Variants in PLAAT5 observed in about 807,000 individuals in gnomAD.
PLAAT5 encodes phospholipase A and acyltransferase 5, also known as Ca(2+)-independent N-acyltransferase.
Under a neutral mutation model 27.8 loss-of-function variants are expected in PLAAT5, and 27 were observed. That is an observed-to-expected ratio of 0.97 (90% CI 0.72 to 1.34). PLAAT5 has a LOEUF of 1.34. PLAAT5 is among the 40% of genes most tolerant of loss of function. The pLI is 0.00. For synonymous variants in PLAAT5, 125 were observed against 136.1 expected, an observed-to-expected ratio of 0.92 and a Z score of 0.57; for missense variants, 368 against 343.8, an observed-to-expected ratio of 1.07 and a Z score of -0.56.
intron 3 of PLAAT5, among the ~76,000 whole-genome samples, chr11:63,483,784 A>AAAT (rs1397719113): frequency 5.2e-4 from 34 of 65,674 alleles, no homozygotes; most frequent in African/African-American, 1.4e-3. Context: ...GCAAAAAAAA[A>AAAT]ATATATATAT....
chr11:63,483,801 GTATA>G (rs71039646), intron 3 of PLAAT5, among the ~76,000 whole-genome samples: 2,675 of 23,790 alleles, frequency 0.11, 178 homozygotes, highest in Middle Eastern at 0.25. Flanking sequence ...ATATATATAT[GTATA>G]TATATATATA....
chr11:63,490,409 T>C lies in PLAAT5; in HGVS notation c.149-76A>G. On this transcript the variant is annotated intron_variant, in intron 1 of 5. Transcript: ENST00000540857. ...CAAGCACCTTGACCGCTACGGAGAG[T>C]GGGCTCAGAGCTCTAGTCTAGCATC... The C allele has an allele frequency of 1.9e-6, 3 of 1,610,228 alleles. No individual in the cohort carries two copies. The South Asian group carries it at 3.3e-5, about 18-fold the overall frequency.
At chr11:63,483,827 A>ATATGTATATATATATATATATATATG (rs1555028278) in intron 3 of PLAAT5, among the ~76,000 whole-genome samples, 4 of 109,796 alleles carry the variant, frequency 3.6e-5, no homozygotes, top group Non-Finnish European at 7.7e-5. Flanking sequence ...ATATATATAT[A>ATATGTATATATATATATATATATATG]TATATATATA....
At chr11:63,485,844 C>CA (rs1260709114) in intron 3 of PLAAT5, among the ~76,000 whole-genome samples, 1 of 152,264 alleles carries the variant, frequency 6.6e-6, no homozygotes, top group Non-Finnish European at 1.5e-5. Flanking sequence ...GGACAACCCA[C>CA]AGAGTGGGAG....
Position 63,463,571 on chromosome 11 carries a change from C to A in PLAAT5, c.742G>T (p.Ala248Ser), listed in dbSNP as rs1329348828. 1 of 1,613,690 alleles carries A rather than the reference C, an allele frequency of 6.2e-7. No homozygotes were observed. Among genetic ancestry groups the A allele is most frequent in the Non-Finnish European group, 8.5e-7 (1 of 1,180,014 alleles). The stretch of plus-strand genomic sequence containing the variant: ...GAAATAACTGCTCCAGCAGCCTTCG[C>A]TCCTTCCATCAGGGCGTGCTCTACC... ...QQVEHALMEG[A>S]KAAGAVISAV... Residue 248 changes from alanine to serine, a missense_variant, in exon 6 of 6, where the codon GCG becomes TCG. Ala to Ser is a moderately conservative substitution (Grantham distance 99). Coordinates refer to ENST00000540857, the MANE Select transcript of PLAAT5 (RefSeq NM_001146729.2).
At chr11:63,488,057 AT>A (rs2016477309) in intron 3 of PLAAT5, among the ~76,000 whole-genome samples, 1 of 152,250 alleles carries the variant, frequency 6.6e-6, no homozygotes, top group Non-Finnish European at 1.5e-5. Flanking sequence ...AGGCAGGAGA[AT>A]GGCGTGAGCC....
chr11:63,491,071 A>G lies in PLAAT5; in HGVS notation c.-37T>C, dbSNP rs915840019. The G allele has an allele frequency of 3.2e-5, 45 of 1,405,404 alleles. No homozygotes were observed. Among genetic ancestry groups the G allele is most frequent in the Admixed American group, 9.8e-5 (3 of 30,728 alleles). The allele number at this position is 1,405,404 out of a possible 1,614,324, so 87.1% of individuals were successfully genotyped here. A position where few individuals can be genotyped will look rare whatever the true frequency, so the allele number is the denominator to read the frequency against. ...GGCCTCGCCGGCCCCCAGGCCTTGC[A>G]GGGGACTACGCCCCTGGCGAGTTCC... On this transcript the variant is annotated 5_prime_UTR_variant, in exon 1 of 6. Coordinates refer to ENST00000540857, the MANE Select transcript of PLAAT5 (RefSeq NM_001146729.2).
chr11:63,490,045 G>A (rs910981879), intron 2 of PLAAT5, among the ~76,000 whole-genome samples, 198 bp downstream of exon 2: 1 of 152,186 alleles, frequency 6.6e-6, no homozygotes, highest in Non-Finnish European at 1.5e-5. Context: ...CAGCTGCAAC[G>A]CATGCCTGTG....
chr11:63,490,670 T>C (rs2016542417), intron 1 of PLAAT5: 1 of 616,984 alleles, frequency 1.6e-6, no homozygotes, highest in East Asian at 2.8e-5. Context: ...CACCACTGCC[T>C]CACTTCCATA....
rs2015737124 is a variant in PLAAT5 at position 63,462,213 on chromosome 11, A to G, written c.*1290T>C. ...TTCCTGGTACTCAGGTTCTGCTTCC[A>G]AGGAAGTCTCAACCTAGACCATATA... On this transcript the variant is annotated 3_prime_UTR_variant, in exon 6 of 6. Transcript: ENST00000540857. 1 of 152,216 alleles carries G rather than the reference A, an allele frequency of 6.6e-6. No individual in the cohort carries two copies. The highest frequency in any genetic ancestry group is 2.4e-5 in the African/African-American group (1 of 41,460). 9.4% of individuals were successfully genotyped at this position (152,216 alleles called of 1,614,324 possible).
Position 63,480,834 on chromosome 11 carries a change from G to A in PLAAT5, c.345+8037C>T, listed in dbSNP as rs532305332. 3.9e-5 allele frequency among the ~76,000 whole-genome samples: 6 copies of A among 152,292 alleles called. No individual in the cohort carries two copies. The South Asian group carries it at 1.2e-3, about 32-fold the overall frequency. ...AGAGTAGCTGTCTGTATGCTACAGAGCCGCCTCCAATCCCAGTTGATGCTG... is the reference window on the plus strand; with the variant it reads ...AGAGTAGCTGTCTGTATGCTACAGAACCGCCTCCAATCCCAGTTGATGCTG... On this transcript the variant is annotated intron_variant, in intron 3 of 5. Coordinates refer to ENST00000540857, the MANE Select transcript of PLAAT5 (RefSeq NM_001146729.2).
At chr11:63,475,506 G>A (rs934091830) in intron 3 of PLAAT5, among the ~76,000 whole-genome samples, 1 of 151,810 alleles carries the variant, frequency 6.6e-6, no homozygotes, top group Non-Finnish European at 1.5e-5. Flanking sequence ...TGTGACTTTA[G>A]ATCTAAAGTG....
rs1425146939 is a variant in PLAAT5 at position 63,461,416 on chromosome 11, G to C, written c.*2087C>G. The C allele has an allele frequency of 6.6e-6, 1 of 152,134 alleles. No homozygotes were observed. The allele number at this position is 152,134 out of a possible 1,614,324, so 9.4% of individuals were successfully genotyped here. A position where few individuals can be genotyped will look rare whatever the true frequency, so the allele number is the denominator to read the frequency against. On this transcript the variant is annotated 3_prime_UTR_variant, in exon 6 of 6. Coordinates refer to ENST00000540857, the MANE Select transcript of PLAAT5 (RefSeq NM_001146729.2). ...AAATAAGCACACAAACAAGTGACTAGTGTTTAATCTCAGAAACATTTGCAT... is the reference window on the plus strand; with the variant it reads ...AAATAAGCACACAAACAAGTGACTACTGTTTAATCTCAGAAACATTTGCAT...
intron 3 of PLAAT5, among the ~76,000 whole-genome samples, chr11:63,478,515 G>C (rs2016206862): frequency 6.6e-6 from 1 of 152,106 alleles, no homozygotes. Flanking sequence ...TAGAGACGGG[G>C]TTTTACCGTG....
intron 1 of PLAAT5, 57 bp from the exon 2 acceptor site, chr11:63,490,390 C>A: frequency 6.2e-7 from 1 of 1,613,012 alleles, no homozygotes; most frequent in Non-Finnish European, 8.5e-7. Context: ...CGAGCAAGCA[C>A]CTTGACCGCT....
Position 63,463,505 on chromosome 11 carries a change from A to G in PLAAT5, c.808T>C (p.Ter270ArgextTer2), listed in dbSNP as rs748299944. Residue 270 changes from the stop codon to arginine, a stop_lost, in exon 6 of 6, where the codon TGA becomes CGA. Coordinates refer to ENST00000540857, the MANE Select transcript of PLAAT5 (RefSeq NM_001146729.2). The part of the protein sequence containing the change: ...DSIKPKPITA[*>R] ...TCTAGCTGGAGTTTTCATCACCTTC[A>G]GGCAGTTATTGGTTTGGGCTTTATG... 18 of 1,611,540 alleles carry G rather than the reference A, an allele frequency of 1.1e-5. No individual in the cohort carries two copies. Among genetic ancestry groups the G allele is most frequent in the African/African-American group, 2.7e-5 (2 of 74,996 alleles).
rs1344237388 is a variant in PLAAT5 at position 63,461,921 on chromosome 11, T to C, written c.*1582A>G. Reference sequence around the variant, plus strand: ...CCTGAAACTTTCTAGAGAGTCTCTGTCCCATTGGGTTCAAGCCAGTAAAAA... The same window carrying C: ...CCTGAAACTTTCTAGAGAGTCTCTGCCCCATTGGGTTCAAGCCAGTAAAAA... On this transcript the variant is annotated 3_prime_UTR_variant, in exon 6 of 6. Coordinates refer to ENST00000540857, the MANE Select transcript of PLAAT5 (RefSeq NM_001146729.2). 2 of 152,136 alleles carry C rather than the reference T, an allele frequency of 1.3e-5. No homozygotes were observed. The highest frequency in any genetic ancestry group is 6.5e-5 in the Admixed American group (1 of 15,274). 9.4% of individuals were successfully genotyped at this position (152,136 alleles called of 1,614,324 possible).
intron 3 of PLAAT5, chr11:63,469,716 A>T (rs2015970307): frequency 6.2e-6 from 1 of 161,342 alleles, no homozygotes; most frequent in Non-Finnish European, 1.4e-5. Flanking sequence ...TACATATGTG[A>T]AAGTCTCTAG....
intron 5 of PLAAT5, 76 bp downstream of exon 5, chr11:63,466,034 A>G: frequency 2.1e-6 from 3 of 1,445,270 alleles, no homozygotes; most frequent in South Asian, 2.6e-5. Flanking sequence ...CCTGATTACC[A>G]TTCTGATCAC....
Sources: allele counts gnomAD v4.1 joint callset (sites outside exome capture counted in the v4.1 genomes callset), GRCh38; gene constraint gnomAD v4.1.1; transcripts MANE v1.5; gene names NCBI Gene and HGNC (gene_info 2026-07-23, HGNC 2026-07-21).